Variants in LRRC4C observed in about 807,000 individuals in gnomAD.
LRRC4C encodes leucine-rich repeat-containing protein 4C.
A neutral mutation model predicts 33.6 loss-of-function variants in LRRC4C; 5 were observed. That is an observed-to-expected ratio of 0.15 (90% CI 0.08 to 0.31). The LOEUF is 0.31. Among genes scored for constraint, LRRC4C ranks in the 10% least tolerant of loss-of-function variants. The pLI is 1.00. For synonymous variants in LRRC4C, 329 were observed against 302.0 expected, an observed-to-expected ratio of 1.09 and a Z score of -0.93; for missense variants, 560 against 796.7, an observed-to-expected ratio of 0.70 and a Z score of 3.58.
chr11:40,306,029 C>A (rs1565254921), intron 4 of LRRC4C, among the ~76,000 whole-genome samples: 1 of 152,180 alleles, frequency 6.6e-6, no homozygotes, highest in African/African-American at 2.4e-5. Context: ...ACCAACGAAA[C>A]AGAACTTCGG....
chr11:40,499,869 T>G (rs930071958), intron 3 of LRRC4C, among the ~76,000 whole-genome samples: 3 of 152,014 alleles, frequency 2.0e-5, no homozygotes, highest in Non-Finnish European at 2.9e-5. Flanking sequence ...GATGAAGCAA[T>G]AACATCGTCA....
intron 1 of LRRC4C, among the ~76,000 whole-genome samples, chr11:40,935,586 G>T (rs1957842447): frequency 1.3e-5 from 2 of 152,058 alleles, no homozygotes; most frequent in African/African-American, 4.8e-5. Flanking sequence ...GTACAGGTTT[G>T]TAGCCTGGGA....
intron 3 of LRRC4C, among the ~76,000 whole-genome samples, chr11:40,443,325 C>T (rs1442175377): frequency 1.3e-5 from 2 of 152,134 alleles, no homozygotes; most frequent in African/African-American, 2.4e-5. Flanking sequence ...TCTGTGGCGG[C>T]GCTTTCATTG....
intron 3 of LRRC4C, among the ~76,000 whole-genome samples, chr11:40,349,001 G>C (rs989025044): frequency 6.6e-6 from 1 of 152,044 alleles, no homozygotes; most frequent in Non-Finnish European, 1.5e-5. Flanking sequence ...TTTGAAACAG[G>C]CATATAATGC....
At chr11:40,325,249 A>G (rs1946041255) in intron 3 of LRRC4C, among the ~76,000 whole-genome samples, 1 of 152,216 alleles carries the variant, frequency 6.6e-6, no homozygotes, top group Non-Finnish European at 1.5e-5. Flanking sequence ...AAATGTGTTC[A>G]ACTTATTAGA....
chr11:40,610,898 A>G (rs1179406734), intron 3 of LRRC4C, among the ~76,000 whole-genome samples: 1 of 151,860 alleles, frequency 6.6e-6, no homozygotes, highest in East Asian at 1.9e-4. Flanking sequence ...GGAAAGACAT[A>G]CTGTGTCAAT....
At chr11:40,141,488 A>G (rs1045815761) in intron 5 of LRRC4C, among the ~76,000 whole-genome samples, 1 of 152,240 alleles carries the variant, frequency 6.6e-6, no homozygotes, top group African/African-American at 2.4e-5. Flanking sequence ...TTTACAAAGT[A>G]TAATGAAGTA....
intron 1 of LRRC4C, among the ~76,000 whole-genome samples, chr11:41,137,584 A>G (rs1452094085): frequency 1.3e-5 from 2 of 152,330 alleles, no homozygotes; most frequent in African/African-American, 4.8e-5. Context: ...CATCAGTGAC[A>G]TAAGTGGTAA....
chr11:40,833,323 TTG>T (rs1231944761), intron 2 of LRRC4C, among the ~76,000 whole-genome samples: 1 of 152,160 alleles, frequency 6.6e-6, no homozygotes, highest in Non-Finnish European at 1.5e-5. Flanking sequence ...AATAAAAATA[TTG>T]TATGAGACAT....
intron 2 of LRRC4C, among the ~76,000 whole-genome samples, chr11:40,782,379 T>A (rs1591706982): frequency 6.6e-6 from 1 of 152,054 alleles, no homozygotes; most frequent in East Asian, 1.9e-4. Context: ...TTTAGGGGGA[T>A]GAGAATGAAC....
At chr11:40,395,758 G>A (rs1386064430) in intron 3 of LRRC4C, among the ~76,000 whole-genome samples, 2 of 152,088 alleles carry the variant, frequency 1.3e-5, no homozygotes, top group Non-Finnish European at 1.5e-5. Context: ...AGGCTGAGGC[G>A]GTCAGATCAC....
intron 1 of LRRC4C, among the ~76,000 whole-genome samples, chr11:41,397,352 T>G (rs987562962): frequency 6.6e-6 from 1 of 151,932 alleles, no homozygotes; most frequent in African/African-American, 2.4e-5. Flanking sequence ...GCCTGCTCAA[T>G]GAAAAGACAA....
intron 2 of LRRC4C, among the ~76,000 whole-genome samples, chr11:40,861,856 G>A (rs1245512591): frequency 6.6e-6 from 1 of 152,114 alleles, no homozygotes; most frequent in East Asian, 1.9e-4. Flanking sequence ...AGTGGGGTGG[G>A]GAGGTGCCAG....
At chr11:41,126,362 A>G (rs1005735679) in intron 1 of LRRC4C, among the ~76,000 whole-genome samples, 4 of 152,054 alleles carry the variant, frequency 2.6e-5, no homozygotes, top group Middle Eastern at 3.4e-3. Context: ...ACCTTTTTGT[A>G]GTTCACTAGT....
At chr11:41,358,401 T>A (rs1024719133) in intron 1 of LRRC4C, among the ~76,000 whole-genome samples, 1 of 152,136 alleles carries the variant, frequency 6.6e-6, no homozygotes, top group African/African-American at 2.4e-5. Context: ...ATTGGTATAT[T>A]AGACTTCATT....
chr11:41,265,987 C>T (rs1949139072), intron 1 of LRRC4C, among the ~76,000 whole-genome samples: 1 of 151,896 alleles, frequency 6.6e-6, no homozygotes, highest in Admixed American at 6.6e-5. Flanking sequence ...TTTGCTATTG[C>T]TTTGCTTAGT....
intron 1 of LRRC4C, among the ~76,000 whole-genome samples, chr11:41,381,292 T>C (rs1953137230): frequency 6.6e-6 from 1 of 152,078 alleles, no homozygotes; most frequent in South Asian, 2.1e-4. Context: ...CTTCAGACAT[T>C]GTAATGATCA....
At chr11:40,234,835 C>G (rs1387759076) in intron 5 of LRRC4C, among the ~76,000 whole-genome samples, 2 of 152,172 alleles carry the variant, frequency 1.3e-5, no homozygotes, top group Non-Finnish European at 2.9e-5. Context: ...TAGCACATCC[C>G]TAGTTTCTAT....
chr11:40,969,172 C>A (rs1592218526), intron 1 of LRRC4C, among the ~76,000 whole-genome samples: 1 of 152,132 alleles, frequency 6.6e-6, no homozygotes, highest in East Asian at 1.9e-4. Flanking sequence ...GAAATAAATG[C>A]AGATATGATG....
Sources: gnomAD v4.1 joint callset for allele counts (sites outside exome capture counted in the v4.1 genomes callset) on GRCh38, gnomAD v4.1.1 for gene constraint, MANE v1.5 for transcripts, NCBI Gene and HGNC (gene_info 2026-07-23, HGNC 2026-07-21) for gene names.